Variants in HS6ST3 observed in about 807,000 individuals in gnomAD.
HS6ST3 encodes the protein heparan-sulfate 6-O-sulfotransferase 3.
In HS6ST3, 12 loss-of-function variants were observed where a neutral mutation model predicts 36.7. The ratio of observed to expected loss-of-function variants is 0.33; its 90% CI spans 0.21 to 0.53. The LOEUF (loss-of-function observed/expected upper bound fraction) is 0.53, where lower values mean the gene tolerates loss of function less well. Ranked by LOEUF, HS6ST3 falls within the 20% of genes least tolerant of loss-of-function variation. The pLI is 0.95. For missense variants in HS6ST3, 584 were observed against 640.9 expected, an observed-to-expected ratio of 0.91 and a Z score of 0.96; for synonymous variants, 240 against 257.5, an observed-to-expected ratio of 0.93 and a Z score of 0.65.
intron 1 of HS6ST3, among the ~76,000 whole-genome samples, chr13:96,171,460 G>A (rs181336821): frequency 6.6e-6 from 1 of 152,262 alleles, no homozygotes; most frequent in Non-Finnish European, 1.5e-5. Flanking sequence ...TGTCCAGGAT[G>A]CTTGCTCAGG....
intron 1 of HS6ST3, among the ~76,000 whole-genome samples, chr13:96,214,239 A>G (rs749794902): frequency 1.3e-5 from 2 of 152,056 alleles, no homozygotes; most frequent in Non-Finnish European, 2.9e-5. Flanking sequence ...TCTCATCTTG[A>G]TTTGTAATCT....
chr13:96,159,293 G>A (rs1315809744), intron 1 of HS6ST3, among the ~76,000 whole-genome samples: 1 of 152,216 alleles, frequency 6.6e-6, no homozygotes, highest in Admixed American at 6.5e-5. Context: ...TTCAACTCTT[G>A]CCTGAGGGAG....
At chr13:96,515,488 C>A (rs778776887) in intron 1 of HS6ST3, among the ~76,000 whole-genome samples, 1 of 152,152 alleles carries the variant, frequency 6.6e-6, no homozygotes, top group Non-Finnish European at 1.5e-5. Context: ...TTTACATGTG[C>A]TAGGAAGCCT....
intron 1 of HS6ST3, among the ~76,000 whole-genome samples, chr13:96,349,749 A>G (rs2055173036): frequency 6.6e-6 from 1 of 152,242 alleles, no homozygotes; most frequent in Non-Finnish European, 1.5e-5. Flanking sequence ...GAAAAATTTT[A>G]CAAAGGAAAT....
chr13:96,475,717 C>T (rs966815816), intron 1 of HS6ST3, among the ~76,000 whole-genome samples: 1 of 151,160 alleles, frequency 6.6e-6, no homozygotes, highest in Admixed American at 6.6e-5. Context: ...AGTCATTCAA[C>T]AATGGTCACA....
At chr13:96,530,391 A>T (rs919813313) in intron 1 of HS6ST3, among the ~76,000 whole-genome samples, 2 of 152,198 alleles carry the variant, frequency 1.3e-5, no homozygotes, top group Non-Finnish European at 1.5e-5. Flanking sequence ...TTCTGGAAAG[A>T]TAAGATAAAT....
Position 96,250,191 on chromosome 13 carries a change from G to T in HS6ST3, c.707+158622G>T, listed in dbSNP as rs76272377. Among the ~76,000 whole-genome samples the T allele has an allele frequency of 7.3e-3, 1,111 of 152,316 alleles. 25 individuals are homozygous for T. The East Asian group carries it at 0.079, about 11-fold the overall frequency. On this transcript the variant is annotated intron_variant, in intron 1 of 1. Transcript: ENST00000376705. ...TGTTACAGTCTGCACAGGATGAAAA[G>T]ATGATCTGGAAACTGAATTACTTCA...
chr13:96,661,697 AT>A (rs2056646942), intron 1 of HS6ST3, among the ~76,000 whole-genome samples: 1 of 151,992 alleles, frequency 6.6e-6, no homozygotes, highest in African/African-American at 2.4e-5. Flanking sequence ...GACCTGTGAG[AT>A]TTTTACTTTC....
chr13:96,408,713 C>G (rs531412869), intron 1 of HS6ST3, among the ~76,000 whole-genome samples: 2 of 152,106 alleles, frequency 1.3e-5, no homozygotes, highest in East Asian at 3.9e-4. Context: ...CACCTGAGGT[C>G]AGGAGTTTGA....
intron 1 of HS6ST3, among the ~76,000 whole-genome samples, chr13:96,193,298 G>A (rs2054297455): frequency 6.6e-6 from 1 of 152,178 alleles, no homozygotes; most frequent in Non-Finnish European, 1.5e-5. Flanking sequence ...AAATAGGAAG[G>A]AACATGGCTT....
At chr13:96,130,922 A>T (rs2053972353) in intron 1 of HS6ST3, among the ~76,000 whole-genome samples, 1 of 152,000 alleles carries the variant, frequency 6.6e-6, no homozygotes, top group African/African-American at 2.4e-5. Flanking sequence ...AGCCTTACCC[A>T]TTTTGCCAAA....
At chr13:96,311,963 G>T (rs570245983) in intron 1 of HS6ST3, among the ~76,000 whole-genome samples, 28 of 147,782 alleles carry the variant, frequency 1.9e-4, no homozygotes, top group Admixed American at 1.1e-3. Flanking sequence ...TTTTTTTTTT[G>T]TTTCATTAAC....
At chr13:96,222,182 A>G (rs1034428205) in intron 1 of HS6ST3, among the ~76,000 whole-genome samples, 1 of 152,192 alleles carries the variant, frequency 6.6e-6, no homozygotes, top group African/African-American at 2.4e-5. Context: ...TGAAGTAAAT[A>G]TGACTTCCCT....
intron 1 of HS6ST3, among the ~76,000 whole-genome samples, chr13:96,530,311 T>C (rs1306808875): frequency 6.6e-6 from 1 of 152,158 alleles, no homozygotes; most frequent in Non-Finnish European, 1.5e-5. Context: ...AATCCCATGA[T>C]CTGGATAGTG....
intron 1 of HS6ST3, among the ~76,000 whole-genome samples, chr13:96,546,071 A>G (rs2056196604): frequency 6.6e-6 from 1 of 152,182 alleles, no homozygotes; most frequent in African/African-American, 2.4e-5. Flanking sequence ...CTCTGAGTTT[A>G]TTATTCAAGT....
rs553834396 is a variant in HS6ST3, at chr13:96,823,817, G to T, written c.708-8673G>T. Among the ~76,000 whole-genome samples, 25 of 151,948 alleles carry T rather than the reference G, an allele frequency of 1.6e-4. No individual in the cohort carries two copies. The South Asian group carries it at 5.2e-3, about 32-fold the overall frequency. ...GTATTTTTAGTAGAGATAGGGTTTC[G>T]CCATGTTGGCCAGACTGGTTTTGAA... On this transcript the variant is annotated intron_variant, in intron 1 of 1. Coordinates refer to ENST00000376705, the MANE Select transcript of HS6ST3 (RefSeq NM_153456.4).
intron 1 of HS6ST3, among the ~76,000 whole-genome samples, chr13:96,453,669 C>T (rs1419857674): frequency 6.6e-6 from 1 of 152,088 alleles, no homozygotes; most frequent in Non-Finnish European, 1.5e-5. Flanking sequence ...AAGCTACAAG[C>T]CATTTTATTA....
At chr13:96,495,275 A>C (rs1269667141) in intron 1 of HS6ST3, among the ~76,000 whole-genome samples, 1 of 152,254 alleles carries the variant, frequency 6.6e-6, no homozygotes, top group East Asian at 1.9e-4. Flanking sequence ...CCATATCATG[A>C]GGATTTTTAT....
At chr13:96,755,827 T>C (rs753511105) in intron 1 of HS6ST3, among the ~76,000 whole-genome samples, 2 of 152,244 alleles carry the variant, frequency 1.3e-5, no homozygotes, top group Non-Finnish European at 2.9e-5. Context: ...TTGACATATA[T>C]TTTCATTTCC....
Sources: gnomAD v4.1 joint callset for allele counts (sites outside exome capture counted in the v4.1 genomes callset) on GRCh38, gnomAD v4.1.1 for gene constraint, MANE v1.5 for transcripts, NCBI Gene and HGNC (gene_info 2026-07-23, HGNC 2026-07-21) for gene names.